Variants in SPRY3 observed in about 807,000 individuals in gnomAD.
The protein encoded by SPRY3 is sprouty RTK signaling antagonist 3.
SPRY3 carries 15 observed loss-of-function variants against 20.2 expected under a neutral mutation model. The observed-to-expected ratio is 0.74, with a 90% CI of 0.50 to 1.14. SPRY3 has a LOEUF of 1.14. SPRY3 is among the 50% of genes most tolerant of loss of function. The pLI is 0.00. For synonymous variants in SPRY3, 143 were observed against 136.5 expected (o/e 1.05, Z -0.33); for missense variants, 364 against 363.9 (o/e 1.00, Z 0.00).
At chrX:155,707,087 T>C (rs1272309916) in intron 2 of SPRY3, among the ~76,000 whole-genome samples, 1 of 151,156 alleles carries the variant, frequency 6.6e-6, no homozygotes, top group Non-Finnish European at 1.5e-5. Context: ...AAGTTTAGAT[T>C]ATTGATTTGC....
chrX:155,643,386 A>G (rs2124538754), intron 1 of SPRY3, among the ~76,000 whole-genome samples: 1 of 111,321 alleles, frequency 9.0e-6, no homozygotes, highest in African/African-American at 3.3e-5. Context: ...TAGGCAGCAT[A>G]TTATTGGGTG....
intron 2 of SPRY3, among the ~76,000 whole-genome samples, chrX:155,738,769 A>G (rs756606879): frequency 3.9e-5 from 6 of 152,340 alleles, no homozygotes; most frequent in African/African-American, 1.4e-4. Flanking sequence ...TCTGAAGCAC[A>G]GGGCTGTATA....
intron 2 of SPRY3, among the ~76,000 whole-genome samples, chrX:155,724,259 G>A (rs1240178737): frequency 1.3e-5 from 2 of 152,116 alleles, no homozygotes; most frequent in Non-Finnish European, 2.9e-5. Flanking sequence ...GATTGGCTTG[G>A]CTATGCGGGC....
chrX:155,670,657 T>A (rs1466227812), intron 2 of SPRY3, among the ~76,000 whole-genome samples: 3 of 112,428 alleles, frequency 2.7e-5, no homozygotes, highest in Non-Finnish European at 5.6e-5. Context: ...TATTTTATAA[T>A]AACTTTTGTC....
intron 1 of SPRY3, among the ~76,000 whole-genome samples, chrX:155,634,690 T>C (rs1433339500): frequency 9.1e-6 from 1 of 110,299 alleles, no homozygotes; most frequent in East Asian, 2.8e-4. Context: ...TTAAATTAGC[T>C]TTGATGGAAC....
At chrX:155,682,339 C>T (rs751733188) in intron 2 of SPRY3, among the ~76,000 whole-genome samples, 5 of 112,349 alleles carry the variant, frequency 4.5e-5, no homozygotes, top group African/African-American at 1.6e-4. Context: ...AATATTACTG[C>T]CCATTGATAA....
chrX:155,756,967 T>A (rs1283244911), intron 2 of SPRY3, among the ~76,000 whole-genome samples: 1 of 152,182 alleles, frequency 6.6e-6, no homozygotes, highest in Admixed American at 6.5e-5. Flanking sequence ...ATCTAGACAG[T>A]TGCGATAGCT....
intron 2 of SPRY3, among the ~76,000 whole-genome samples, chrX:155,760,004 G>C (rs1328667233): frequency 6.6e-6 from 1 of 152,064 alleles, no homozygotes; most frequent in African/African-American, 2.4e-5. Context: ...TAAACTTTAT[G>C]TGCTTTCTTC....
intron 2 of SPRY3, among the ~76,000 whole-genome samples, chrX:155,668,827 A>G (rs1320785386): frequency 1.8e-5 from 2 of 110,339 alleles, no homozygotes; most frequent in African/African-American, 6.6e-5. Flanking sequence ...AGCCATAACT[A>G]TCGGCTCTTA....
chrX:155,769,149 C>T (rs952960614), intron 3 of SPRY3, among the ~76,000 whole-genome samples: 1 of 152,120 alleles, frequency 6.6e-6, no homozygotes, highest in African/African-American at 2.4e-5. Context: ...TATACAAAGA[C>T]ATTACTATAA....
chrX:155,774,797 G>C, exon 4 of SPRY3: 1 of 1,536,988 alleles, frequency 6.5e-7, no homozygotes, highest in Admixed American at 2.0e-5. Flanking sequence ...GCAAAGCATA[G>C]GCCTCATCTT....
At chrX:155,722,733 C>T (rs2091068250) in intron 2 of SPRY3, among the ~76,000 whole-genome samples, 2 of 151,884 alleles carry the variant, frequency 1.3e-5, no homozygotes, top group South Asian at 4.2e-4. Context: ...CATAGACTGG[C>T]TGAATGGATA....
At chrX:155,773,307 GATATATATATAT>G (rs1556238552) in intron 3 of SPRY3, among the ~76,000 whole-genome samples, 17 of 120,740 alleles carry the variant, frequency 1.4e-4, no homozygotes, top group African/African-American at 4.0e-4. Flanking sequence ...ATTTTGATTG[GATATATATATAT>G]ATATATATAT....
chrX:155,708,831 A>G (rs2090968603), intron 2 of SPRY3, among the ~76,000 whole-genome samples: 1 of 151,358 alleles, frequency 6.6e-6, no homozygotes, highest in Non-Finnish European at 1.5e-5. Context: ...GCTATCAAAT[A>G]CTAGAAGTTA....
At chrX:155,711,675 A>G (rs1352162888) in intron 2 of SPRY3, among the ~76,000 whole-genome samples, 2 of 126,802 alleles carry the variant, frequency 1.6e-5, no homozygotes, top group African/African-American at 6.4e-5. Context: ...GATCTTTATT[A>G]TTTCTTTTTA....
At chrX:155,773,900 A>G in exon 4 of SPRY3, 1 of 1,613,864 alleles carries the variant, frequency 6.2e-7, no homozygotes, top group Non-Finnish European at 8.5e-7. Flanking sequence ...GATGATTTTC[A>G]ACAAATTCTG....
intron 1 of SPRY3, among the ~76,000 whole-genome samples, chrX:155,624,141 T>C (rs1317098658): frequency 8.9e-6 from 1 of 112,244 alleles, no homozygotes; most frequent in Non-Finnish European, 1.9e-5. Flanking sequence ...GAATCTTCAG[T>C]GCAAATAAAA....
chrX:155,642,279 A>T (rs1429041252), intron 1 of SPRY3, among the ~76,000 whole-genome samples: 1 of 112,114 alleles, frequency 8.9e-6, no homozygotes, highest in African/African-American at 3.2e-5. Flanking sequence ...ATTGGCATAT[A>T]GTTGCTCATA....
chrX:155,726,440 T>C (rs1331833774), intron 2 of SPRY3, among the ~76,000 whole-genome samples: 1 of 152,150 alleles, frequency 6.6e-6, no homozygotes, highest in Non-Finnish European at 1.5e-5. Flanking sequence ...CCCATTATTA[T>C]TGTGTGGGAG....
Sources: allele counts gnomAD v4.1 joint callset (sites outside exome capture counted in the v4.1 genomes callset), GRCh38; gene constraint gnomAD v4.1.1; transcripts MANE v1.5; gene names NCBI Gene and HGNC (gene_info 2026-07-23, HGNC 2026-07-21).